The following ANXA8 variants were observed in gnomAD, a reference collection of about 807,000 sequenced individuals.
ANXA8 encodes annexin A8.
ANXA8 carries 9 observed loss-of-function variants against 26.8 expected under a neutral mutation model. The ratio of observed to expected loss-of-function variants is 0.34; its 90% CI spans 0.20 to 0.59. ANXA8 has a LOEUF of 0.59. ANXA8 is among the 20% of genes least tolerant of loss of function. The probability of loss-of-function intolerance (pLI) is 0.84; values close to 1 mark genes in which losing one functional copy is unlikely to be tolerated. For synonymous variants in ANXA8, 39 were observed against 94.8 expected, an observed-to-expected ratio of 0.41 and a Z score of 3.42; for missense variants, 83 against 238.5, an observed-to-expected ratio of 0.35 and a Z score of 4.29.
At chr10:47,680,267 G>A in the ANXA8 span, among the ~76,000 whole-genome samples, 1 of 151,900 alleles carries the variant, frequency 6.6e-6, no homozygotes, top group African/African-American at 2.4e-5. Flanking sequence ...CAAAATAGCT[G>A]GAAGAGGGGC....
chr10:47,650,532 T>C, the ANXA8 span, among the ~76,000 whole-genome samples: 7 of 150,964 alleles, frequency 4.6e-5, no homozygotes, highest in Non-Finnish European at 7.4e-5. Context: ...GCAGGCCAGG[T>C]GTGGTGGCTC....
At chr10:47,672,983 C>T in the ANXA8 span, among the ~76,000 whole-genome samples, 178 of 150,710 alleles carry the variant, frequency 1.2e-3, no homozygotes, top group Admixed American at 2.1e-3. Context: ...AGAAGAAACC[C>T]ATGGTTGCTC....
chr10:47,636,695 C>G, the ANXA8 span, among the ~76,000 whole-genome samples: 2 of 151,964 alleles, frequency 1.3e-5, no homozygotes, highest in African/African-American at 4.8e-5. Flanking sequence ...GAGCAGGGTA[C>G]GAAGGACCTT....
chr10:47,529,111 C>T, the ANXA8 span, among the ~76,000 whole-genome samples: 1 of 144,348 alleles, frequency 6.9e-6, no homozygotes, highest in Non-Finnish European at 1.5e-5. Flanking sequence ...ACATGCTATG[C>T]CACAATCTCT....
the ANXA8 span, among the ~76,000 whole-genome samples, chr10:47,566,430 C>T: frequency 2.6e-5 from 4 of 151,578 alleles, no homozygotes; most frequent in Admixed American, 6.6e-5. Flanking sequence ...GCCGCAGAAA[C>T]CCCCTTCTTC....
At chr10:47,498,353 G>T in the ANXA8 span, among the ~76,000 whole-genome samples, 1 of 145,292 alleles carries the variant, frequency 6.9e-6, no homozygotes, top group Admixed American at 7.0e-5. Flanking sequence ...TAAGGCTGAA[G>T]AACATTTTAT....
At chr10:47,671,757 TTTC>T in the ANXA8 span, among the ~76,000 whole-genome samples, 1 of 151,956 alleles carries the variant, frequency 6.6e-6, no homozygotes, top group Non-Finnish European at 1.5e-5. Flanking sequence ...CAAAGTAGTC[TTTC>T]TTAACTATAT....
the ANXA8 span, among the ~76,000 whole-genome samples, chr10:47,720,463 G>C: frequency 6.8e-5 from 10 of 146,994 alleles, no homozygotes; most frequent in Non-Finnish European, 1.5e-4. Context: ...AGACATTTAA[G>C]CTGTTTTCCC....
At chr10:47,641,104 T>C in the ANXA8 span, among the ~76,000 whole-genome samples, 1 of 148,886 alleles carries the variant, frequency 6.7e-6, no homozygotes, top group Non-Finnish European at 1.5e-5. Flanking sequence ...GAGTTTTCTG[T>C]GTCTTAGTTT....
the ANXA8 span, among the ~76,000 whole-genome samples, chr10:47,649,219 T>A: frequency 2.7e-5 from 4 of 149,776 alleles, no homozygotes; most frequent in African/African-American, 1.0e-4. Flanking sequence ...TCAAACATGT[T>A]ATTGCCCTCA....
the ANXA8 span, among the ~76,000 whole-genome samples, chr10:47,733,177 C>CTT: frequency 9.2e-6 from 1 of 108,952 alleles, no homozygotes; most frequent in African/African-American, 3.0e-5. Flanking sequence ...TTCTTTCTTT[C>CTT]TTTCTTTCTT....
At chr10:47,701,935 T>C in the ANXA8 span, among the ~76,000 whole-genome samples, 9 of 151,282 alleles carry the variant, frequency 5.9e-5, no homozygotes, top group South Asian at 1.9e-3. Flanking sequence ...TTGACTGGAT[T>C]CTATAAGGCT....
chr10:47,683,494 T>C, the ANXA8 span, among the ~76,000 whole-genome samples: 2 of 152,058 alleles, frequency 1.3e-5, no homozygotes, highest in African/African-American at 4.8e-5. Context: ...TCCCAGCATT[T>C]AGTAATTCTT....
the ANXA8 span, among the ~76,000 whole-genome samples, chr10:47,937,303 GCTAA>G: frequency 1.3e-5 from 2 of 149,286 alleles, no homozygotes; most frequent in African/African-American, 2.4e-5. Context: ...TCTGGAAGTC[GCTAA>G]CTCTCTTTGA....
At chr10:47,559,605 A>T in the ANXA8 span, among the ~76,000 whole-genome samples, 1 of 151,910 alleles carries the variant, frequency 6.6e-6, no homozygotes, top group South Asian at 2.1e-4. Context: ...ATTGCCGCAG[A>T]GTATTTTATT....
the ANXA8 span, among the ~76,000 whole-genome samples, chr10:47,497,580 T>C: frequency 2.0e-5 from 3 of 148,622 alleles, no homozygotes; most frequent in Middle Eastern, 3.5e-3. Flanking sequence ...GATCCTGCCA[T>C]TGCACTCCAG....
the ANXA8 span, among the ~76,000 whole-genome samples, chr10:47,733,143 ATCT>A: frequency 2.4e-3 from 233 of 98,074 alleles, 1 homozygote; most frequent in African/African-American, 7.4e-3. Flanking sequence ...CAACTCCCTA[ATCT>A]TTCTTTCTTT....
chr10:47,590,083 A>G, the ANXA8 span: 1 of 145,976 alleles, frequency 6.9e-6, no homozygotes, highest in Non-Finnish European at 1.5e-5. Context: ...AGAAATTTGA[A>G]AACAATCATT....
At chr10:47,505,307 C>T in the ANXA8 span, among the ~76,000 whole-genome samples, 1 of 91,008 alleles carries the variant, frequency 1.1e-5, no homozygotes, top group Non-Finnish European at 2.2e-5. Context: ...GCTGGTTTCT[C>T]AGCATAAATC....
Sources: gnomAD v4.1 joint callset for allele counts (sites outside exome capture counted in the v4.1 genomes callset) on GRCh38, gnomAD v4.1.1 for gene constraint, MANE v1.5 for transcripts, NCBI Gene and HGNC (gene_info 2026-07-23, HGNC 2026-07-21) for gene names.